Variants in TTLL11 observed in about 807,000 individuals in gnomAD.
TTLL11 encodes tubulin tyrosine ligase like 11, also known as tubulin polyglutamylase TTLL11.
Under a neutral mutation model 51.7 loss-of-function variants are expected in TTLL11, and 42 were observed. The observed-to-expected ratio is 0.81, with a 90% CI of 0.64 to 1.05. TTLL11 has a LOEUF of 1.05. Ranked by LOEUF, TTLL11 falls within the 50% of genes least tolerant of loss-of-function variation. TTLL11 has a pLI of 0.00. For synonymous variants in TTLL11, 381 were observed against 383.5 expected (o/e 0.99, Z 0.08); for missense variants, 799 against 940.4 (o/e 0.85, Z 1.97).
At chr9:121,873,423 C>T (rs1838431675) in intron 6 of TTLL11, among the ~76,000 whole-genome samples, 3 of 145,888 alleles carry the variant, frequency 2.1e-5, no homozygotes. Context: ...ATTCTCCTGC[C>T]TCAGCCTCCT....
intron 8 of TTLL11, among the ~76,000 whole-genome samples, chr9:121,837,358 T>C (rs953396087): frequency 1.3e-5 from 2 of 152,124 alleles, no homozygotes; most frequent in Non-Finnish European, 2.9e-5. Context: ...CCAAATTAAC[T>C]TGGGGTTGGG....
chr9:121,910,278 G>T (rs1019423266), intron 6 of TTLL11, among the ~76,000 whole-genome samples: 3 of 151,750 alleles, frequency 2.0e-5, no homozygotes, highest in Non-Finnish European at 4.4e-5. Flanking sequence ...GAATGACCTT[G>T]GTAAGTCTCT....
chr9:121,921,160 T>C (rs1272783892), intron 6 of TTLL11, among the ~76,000 whole-genome samples: 2 of 152,266 alleles, frequency 1.3e-5, no homozygotes, highest in East Asian at 3.8e-4. Flanking sequence ...TCACTGGTGG[T>C]ATGCAAAAGA....
chr9:121,919,587 A>C (rs894284830), intron 6 of TTLL11, among the ~76,000 whole-genome samples: 1 of 152,248 alleles, frequency 6.6e-6, no homozygotes, highest in Non-Finnish European at 1.5e-5. Flanking sequence ...AACAGTTCAA[A>C]GATTCGCTTT....
chr9:122,083,913 G>A (rs1319785467), intron 1 of TTLL11, among the ~76,000 whole-genome samples: 1 of 152,100 alleles, frequency 6.6e-6, no homozygotes, highest in African/African-American at 2.4e-5. Context: ...AGGGGGATGG[G>A]GTAGGTGGTT....
chr9:122,024,054 G>A (rs72767715), intron 3 of TTLL11, among the ~76,000 whole-genome samples: 6,693 of 152,170 alleles, frequency 0.044, 174 homozygotes, highest in African/African-American at 0.073. Context: ...AGAAAATCCA[G>A]TGGAAGTACA....
At chr9:121,832,944 A>G (rs765794798) in intron 8 of TTLL11, among the ~76,000 whole-genome samples, 2 of 152,192 alleles carry the variant, frequency 1.3e-5, no homozygotes, top group Non-Finnish European at 2.9e-5. Context: ...CATCTCAAAC[A>G]AAACAAAAAA....
intron 6 of TTLL11, among the ~76,000 whole-genome samples, chr9:121,919,282 T>C (rs1361047291): frequency 1.3e-5 from 2 of 152,130 alleles, no homozygotes; most frequent in African/African-American, 4.8e-5. Context: ...CTTCAGGAGG[T>C]TTATCCCTTT....
chr9:121,940,492 C>T (rs1841412447), intron 6 of TTLL11, among the ~76,000 whole-genome samples: 1 of 152,062 alleles, frequency 6.6e-6, no homozygotes, highest in Admixed American at 6.6e-5. Context: ...CACACGCTAC[C>T]CTGACCAGCT....
At chr9:121,993,932 G>T (rs963796228) in intron 3 of TTLL11, among the ~76,000 whole-genome samples, 1 of 152,150 alleles carries the variant, frequency 6.6e-6, no homozygotes, top group Non-Finnish European at 1.5e-5. Flanking sequence ...ACAGGTACAC[G>T]CTACAGATCT....
At chr9:122,037,143 G>A (rs1387680947) in intron 2 of TTLL11, among the ~76,000 whole-genome samples, 4 of 152,066 alleles carry the variant, frequency 2.6e-5, no homozygotes, top group Admixed American at 6.5e-5. Flanking sequence ...GAGCAAATGG[G>A]GAAAATGTAA....
chr9:121,897,132 G>A (rs1374657333), intron 6 of TTLL11, among the ~76,000 whole-genome samples: 1 of 152,198 alleles, frequency 6.6e-6, no homozygotes, highest in Non-Finnish European at 1.5e-5. Context: ...GGGGACCTTT[G>A]TGAGAGAAGG....
chr9:122,016,259 A>G (rs937254475), intron 3 of TTLL11, among the ~76,000 whole-genome samples: 37 of 152,194 alleles, frequency 2.4e-4, no homozygotes, highest in African/African-American at 8.9e-4. Context: ...GATGCCATTG[A>G]GTATCTAATA....
intron 6 of TTLL11, among the ~76,000 whole-genome samples, chr9:121,900,203 T>C (rs977893011): frequency 2.0e-5 from 3 of 152,244 alleles, no homozygotes; most frequent in African/African-American, 7.2e-5. Flanking sequence ...CTGTTGCTCC[T>C]AGTTCTCAAG....
chr9:121,938,347 C>A (rs1841310890), intron 6 of TTLL11, among the ~76,000 whole-genome samples: 1 of 148,820 alleles, frequency 6.7e-6, no homozygotes, highest in African/African-American at 2.5e-5. Flanking sequence ...CTAATTCCCA[C>A]AATTAGGGAA....
chr9:121,922,884 T>G (rs1201724716), intron 6 of TTLL11, among the ~76,000 whole-genome samples: 1 of 151,776 alleles, frequency 6.6e-6, no homozygotes, highest in African/African-American at 2.4e-5. Flanking sequence ...GAAACATAAA[T>G]AGTAAATACA....
chr9:122,078,305 A>G (rs1430516331), intron 1 of TTLL11, among the ~76,000 whole-genome samples: 2 of 152,238 alleles, frequency 1.3e-5, no homozygotes, highest in Non-Finnish European at 2.9e-5. Flanking sequence ...TACATATAAA[A>G]TACTCTAAAT....
At chr9:122,037,969 G>A (rs1844748848) in intron 2 of TTLL11, among the ~76,000 whole-genome samples, 1 of 152,110 alleles carries the variant, frequency 6.6e-6, no homozygotes, top group Non-Finnish European at 1.5e-5. Context: ...TTAAAGACGT[G>A]GGATAGAATG....
chr9:122,051,310 G>A (rs773392574), intron 1 of TTLL11, among the ~76,000 whole-genome samples: 4 of 152,172 alleles, frequency 2.6e-5, no homozygotes, highest in Non-Finnish European at 5.9e-5. Context: ...AAGGGGGATG[G>A]ATGGATGGAT....
Sources: gnomAD v4.1 joint callset for allele counts (sites outside exome capture counted in the v4.1 genomes callset) on GRCh38, gnomAD v4.1.1 for gene constraint, MANE v1.5 for transcripts, NCBI Gene and HGNC (gene_info 2026-07-23, HGNC 2026-07-21) for gene names.